PLIN2: variants seen among roughly 807,000 people sequenced by gnomAD.
PLIN2 encodes perilipin-2.
Under a neutral mutation model 30.6 loss-of-function variants are expected in PLIN2, and 33 were observed. That is an observed-to-expected ratio of 1.08 (90% CI 0.82 to 1.44). The LOEUF (loss-of-function observed/expected upper bound fraction) is 1.44. PLIN2 is among the 40% of genes most tolerant of loss of function. PLIN2 has a pLI of 0.00. For missense variants in PLIN2, 610 were observed against 531.8 expected (o/e 1.15, Z -1.45); for synonymous variants, 205 against 201.1 (o/e 1.02, Z -0.16).
chr9:19,108,490 C>T (rs1308537988), exon 3 of PLIN2: 1 of 152,386 alleles, frequency 6.6e-6, no homozygotes, highest in Non-Finnish European at 1.5e-5. Context: ...AGTGTCATTG[C>T]AATTAAGACC....
At position 19,116,519 on chromosome 9, in the gene PLIN2, AC is replaced by A. The variant is rs1818228210; in HGVS notation, c.1042del (p.Val348Ter). 1.9e-6 allele frequency: 3 copies of A among 1,613,770 alleles called. No homozygotes were observed. The highest frequency in any genetic ancestry group is 1.7e-6 in the Non-Finnish European group (2 of 1,179,992). ...NIQDQAKHMG[V>X]MAGDIYSVFR... The stretch of plus-strand genomic sequence containing the variant: ...CACTGAGTAGATGTCGCCTGCCATC[AC>A]CCCCATGTGCTTGGCTTGATCTTGG... On this transcript the variant is annotated frameshift_variant, in exon 8 of 8. Transcript: ENST00000276914. LOFTEE classifies it low-confidence loss of function (END_TRUNC).
chr9:19,115,394 G>A (rs1434108934), downstream of PLIN2, among the ~76,000 whole-genome samples: 14 of 149,068 alleles, frequency 9.4e-5, 1 homozygote, highest in Admixed American at 8.1e-4. Context: ...TGCAAGCTCT[G>A]CCTCCCGGGT....
At chr9:19,115,432 C>T (rs1330234295), downstream of PLIN2, among the ~76,000 whole-genome samples, 3 of 151,880 alleles carry the variant, frequency 2.0e-5, no homozygotes, top group Admixed American at 6.6e-5. Flanking sequence ...CTCAGCCTCC[C>T]GAGTAGCTGG....
intron 3 of PLIN2, among the ~76,000 whole-genome samples, chr9:19,124,841 GAAGA>G (rs1250901242): frequency 2.0e-5 from 3 of 152,120 alleles, no homozygotes; most frequent in Non-Finnish European, 4.4e-5. Context: ...TCCATCAGTT[GAAGA>G]ATGAATAAAT....
chr9:19,110,044 G>C (rs1377086645), intron 2 of PLIN2, among the ~76,000 whole-genome samples: 1 of 151,968 alleles, frequency 6.6e-6, no homozygotes, highest in African/African-American at 2.4e-5. Flanking sequence ...TTTTGTTTTA[G>C]ATGGAGTTTC....
chr9:19,113,887 G>A (rs529099828), downstream of PLIN2, among the ~76,000 whole-genome samples: 4 of 150,696 alleles, frequency 2.7e-5, no homozygotes, highest in Non-Finnish European at 5.9e-5. Context: ...CGATTCTCCT[G>A]CCTCAGCCTC....
chr9:19,120,437 AT>A (rs1186884938), intron 5 of PLIN2, among the ~76,000 whole-genome samples: 1 of 152,230 alleles, frequency 6.6e-6, no homozygotes, highest in Admixed American at 6.5e-5. Context: ...AAAGCAATCC[AT>A]TAAAGACTAT....
rs370858641 is a variant in PLIN2 at position 19,116,482 on chromosome 9, A to G, written c.1080T>C (p.Ala360=). 34 of 1,614,090 alleles carry G rather than the reference A, an allele frequency of 2.1e-5. 1 individual carries two copies. The highest frequency in any genetic ancestry group is 2.0e-4 in the African/African-American group (15 of 74,926). Reference sequence around the variant, plus strand: ...TGTCAGACACTTCTTTAAAGGAGGCAGCATTGCGGAACACTGAGTAGATGT... The same window carrying G: ...TGTCAGACACTTCTTTAAAGGAGGCGGCATTGCGGAACACTGAGTAGATGT... ...AGDIYSVFRN[A]ASFKEVSDSL... is the part of the protein sequence containing the mutation. Residue 360 remains alanine, a synonymous_variant, in exon 8 of 8, where the codon GCT becomes GCC. Coordinates refer to ENST00000276914, the MANE Select transcript of PLIN2 (RefSeq NM_001122.4).
Position 19,116,582 on chromosome 9 carries a change from G to T in PLIN2, c.980C>A (p.Thr327Asn). 1 of 1,614,110 alleles carries T rather than the reference G, an allele frequency of 6.2e-7. No homozygotes were observed. Among genetic ancestry groups the T allele is most frequent in the Non-Finnish European group, 8.5e-7 (1 of 1,179,996 alleles). The change falls in exon 8 of 8, where the codon ACC (threonine) becomes AAC (asparagine). Residue 327 changes from threonine to asparagine, a missense_variant. Transcript: ENST00000276914. ...LTQQLQTTCH[T>N]LLSNIQGVPQ... Reference sequence around the variant, plus strand: ...TACACCTTGGATGTTGGACAGGAGGGTGTGGCACGTGGTCTGGAGCTGCTG... The same window carrying T: ...TACACCTTGGATGTTGGACAGGAGGTTGTGGCACGTGGTCTGGAGCTGCTG...
chr9:19,121,616 C>T (rs1031295086), intron 4 of PLIN2, among the ~76,000 whole-genome samples: 1 of 152,048 alleles, frequency 6.6e-6, no homozygotes, highest in Non-Finnish European at 1.5e-5. Flanking sequence ...ATACCTGGCC[C>T]TCGGGGTGTT....
intron 7 of PLIN2, among the ~76,000 whole-genome samples, chr9:19,117,155 C>T (rs997177395): frequency 1.3e-5 from 2 of 151,696 alleles, no homozygotes; most frequent in African/African-American, 4.8e-5. Context: ...TTCTTTCTTT[C>T]TTTTCTTTTC....
intron 3 of PLIN2, 46 bp from the exon 4 acceptor site, chr9:19,123,693 G>C (rs1362088574): frequency 1.3e-6 from 2 of 1,502,980 alleles, no homozygotes; most frequent in South Asian, 1.2e-5. Flanking sequence ...TATAGGTATA[G>C]AATGAACACA....
rs1450966853 is a variant in PLIN2 at position 19,127,223 on chromosome 9, C to A, written c.-23+196G>T. On this transcript the variant is annotated intron_variant, in intron 1 of 7. Transcript: ENST00000276914. The surrounding 1 kb of genome is among the most constrained non-coding windows in gnomAD (Gnocchi z 4.3). Reference sequence around the variant, plus strand: ...TCGAAAGCGCGGGTTCAGCAGACCGCCCCTACCCAGCCAGGACCTGGAAGC... The same window carrying A: ...TCGAAAGCGCGGGTTCAGCAGACCGACCCTACCCAGCCAGGACCTGGAAGC... 6.6e-6 allele frequency among the ~76,000 whole-genome samples: 1 copy of A among 152,330 alleles called. No homozygotes were observed. The highest frequency in any genetic ancestry group is 2.4e-5 in the African/African-American group (1 of 41,578).
chr9:19,115,613 C>G (rs1380020239), downstream of PLIN2, among the ~76,000 whole-genome samples: 1 of 152,092 alleles, frequency 6.6e-6, no homozygotes, highest in Non-Finnish European at 1.5e-5. Flanking sequence ...GGCCAAGCAT[C>G]CCATTTTTAA....
chr9:19,111,237 C>T (rs1203122755), downstream of PLIN2, among the ~76,000 whole-genome samples: 2 of 151,998 alleles, frequency 1.3e-5, no homozygotes, highest in East Asian at 1.9e-4. Context: ...TTAGTAAAGA[C>T]GAGGTTTCAC....
downstream of PLIN2, among the ~76,000 whole-genome samples, chr9:19,112,687 C>T (rs540463458): frequency 7.6e-6 from 1 of 131,108 alleles, no homozygotes; most frequent in Non-Finnish European, 1.6e-5. Flanking sequence ...GCCTGAGCAA[C>T]AGAGCAAGAG....
At chr9:19,113,752 T>G (rs1213873174), downstream of PLIN2, among the ~76,000 whole-genome samples, 1 of 150,158 alleles carries the variant, frequency 6.7e-6, no homozygotes, top group African/African-American at 2.5e-5. Context: ...TTTTGTGGGG[T>G]TTTTTGTTGT....
At chr9:19,124,461 C>G (rs563033487) in intron 3 of PLIN2, among the ~76,000 whole-genome samples, 19 of 152,214 alleles carry the variant, frequency 1.2e-4, no homozygotes, top group African/African-American at 4.3e-4. Context: ...AATACCAAAC[C>G]AAGTACTAGT....
Position 19,116,294 on chromosome 9 carries a change from T to G in PLIN2, c.1268A>C (p.Asp423Ala), listed in dbSNP as rs757464151. The change falls in exon 8 of 8, where the codon GAC (aspartate) becomes GCC (alanine). Residue 423 changes from aspartate (D) to alanine (A), a missense_variant. Asp to Ala is a moderately radical substitution (Grantham distance 126). Coordinates refer to ENST00000276914, the MANE Select transcript of PLIN2 (RefSeq NM_001122.4). ...QNAQDQGAEM[D>A]KSSQETQRSE... Reference sequence around the variant, plus strand: ...TCGCTGGGTCTCCTGGCTGCTCTTGTCCATCTCTGCACCTTGGTCCTGAGC... The same window carrying G: ...TCGCTGGGTCTCCTGGCTGCTCTTGGCCATCTCTGCACCTTGGTCCTGAGC... The G allele has an allele frequency of 3.1e-6, 5 of 1,611,376 alleles. No individual in the cohort carries two copies. The African/African-American group carries it at 6.7e-5, about 22-fold the overall frequency.
Sources: gnomAD v4.1 joint callset for allele counts (sites outside exome capture counted in the v4.1 genomes callset) on GRCh38, gnomAD v4.1.1 for gene constraint, Gnocchi (gnomAD v3.1) non-coding constraint, MANE v1.5 for transcripts, NCBI Gene and HGNC (gene_info 2026-07-23, HGNC 2026-07-21) for gene names.